Variants in HS6ST3 observed in about 807,000 individuals in gnomAD.
HS6ST3 encodes heparan-sulfate 6-O-sulfotransferase 3.
HS6ST3 carries 12 observed loss-of-function variants against 36.7 expected under a neutral mutation model. That is an observed-to-expected ratio of 0.33 (90% CI 0.21 to 0.53). The LOEUF (loss-of-function observed/expected upper bound fraction) is 0.53, where lower values mean the gene tolerates loss of function less well. Among genes scored for constraint, HS6ST3 ranks in the 20% least tolerant of loss-of-function variants. The pLI, the probability that HS6ST3 is intolerant of heterozygous loss-of-function variation, is 0.95. For synonymous variants in HS6ST3, 240 were observed against 257.5 expected (o/e 0.93, Z 0.65); for missense variants, 584 against 640.9 (o/e 0.91, Z 0.96).
At chr13:96,681,531 G>T (rs1404710051) in intron 1 of HS6ST3, among the ~76,000 whole-genome samples, 1 of 152,108 alleles carries the variant, frequency 6.6e-6, no homozygotes. Context: ...AGATTGACAA[G>T]GATGGGCATG....
chr13:96,775,548 T>C (rs1423545211), intron 1 of HS6ST3, among the ~76,000 whole-genome samples: 1 of 148,002 alleles, frequency 6.8e-6, no homozygotes. Context: ...GCAATCCTAG[T>C]CTCTGATAAA....
At chr13:96,334,760 G>T (rs772801570) in intron 1 of HS6ST3, among the ~76,000 whole-genome samples, 2 of 152,014 alleles carry the variant, frequency 1.3e-5, no homozygotes, top group African/African-American at 2.4e-5. Flanking sequence ...ATCTCCCACC[G>T]GGTCCCTCCC....
intron 1 of HS6ST3, among the ~76,000 whole-genome samples, chr13:96,522,186 CT>C (rs2056096228): frequency 6.6e-6 from 1 of 152,202 alleles, no homozygotes; most frequent in African/African-American, 2.4e-5. Context: ...ATCCTGAGTT[CT>C]AATTTGATTC....
Position 96,259,174 on chromosome 13 carries a change from G to A in HS6ST3, c.707+167605G>A, listed in dbSNP as rs1051467887. Among the ~76,000 whole-genome samples the A allele has an allele frequency of 7.2e-5, 11 of 152,212 alleles. 1 individual carries two copies. Among genetic ancestry groups the A allele is most frequent in the South Asian group, 4.1e-4 (2 of 4,826 alleles). On this transcript the variant is annotated intron_variant, in intron 1 of 1. Transcript: ENST00000376705. ...TGTGTGTCTGTGTGTTTGTGTGTCC[G>A]TGTATGTGTGCATGGGTGTCCTTGC...
At chr13:96,718,316 C>A (rs1423622911) in intron 1 of HS6ST3, among the ~76,000 whole-genome samples, 1 of 152,170 alleles carries the variant, frequency 6.6e-6, no homozygotes, top group Non-Finnish European at 1.5e-5. Context: ...CAGGTTAAAT[C>A]ATTTTTGTGC....
At chr13:96,308,995 A>G (rs1401593092) in intron 1 of HS6ST3, among the ~76,000 whole-genome samples, 2 of 152,166 alleles carry the variant, frequency 1.3e-5, no homozygotes, top group Non-Finnish European at 1.5e-5. Context: ...TATTTGTACA[A>G]AATATTTACA....
intron 1 of HS6ST3, among the ~76,000 whole-genome samples, chr13:96,525,812 C>T (rs559995767): frequency 7.9e-5 from 12 of 152,318 alleles, no homozygotes; most frequent in African/African-American, 2.4e-4. Context: ...TTACTGTGTA[C>T]GCTATGATGT....
At chr13:96,378,687 C>T (rs1277550595) in intron 1 of HS6ST3, among the ~76,000 whole-genome samples, 2 of 152,070 alleles carry the variant, frequency 1.3e-5, no homozygotes, top group African/African-American at 4.8e-5. Context: ...GTTTTTGTTC[C>T]CTAGTAGTAG....
At chr13:96,221,226 A>C (rs1193181265) in intron 1 of HS6ST3, among the ~76,000 whole-genome samples, 1 of 152,212 alleles carries the variant, frequency 6.6e-6, no homozygotes, top group African/African-American at 2.4e-5. Flanking sequence ...TTAGGGTCAG[A>C]GAGAGTTTTT....
At chr13:96,565,404 G>T (rs527443955) in intron 1 of HS6ST3, among the ~76,000 whole-genome samples, 76 of 152,124 alleles carry the variant, frequency 5.0e-4, no homozygotes, top group African/African-American at 1.8e-3. Context: ...TAAAGAACAG[G>T]ACAGGTATCC....
intron 1 of HS6ST3, among the ~76,000 whole-genome samples, chr13:96,141,321 A>G (rs1438769306): frequency 6.6e-6 from 1 of 152,118 alleles, no homozygotes; most frequent in Non-Finnish European, 1.5e-5. Context: ...TCCTAAAGTC[A>G]GAAAGTATCT....
intron 1 of HS6ST3, among the ~76,000 whole-genome samples, chr13:96,753,073 G>A (rs961752946): frequency 3.9e-5 from 6 of 152,114 alleles, no homozygotes; most frequent in Non-Finnish European, 8.8e-5. Flanking sequence ...TAAACCAACT[G>A]TCTGGCCTCT....
chr13:96,107,850 G>A (rs1478877329), intron 1 of HS6ST3, among the ~76,000 whole-genome samples: 1 of 152,146 alleles, frequency 6.6e-6, no homozygotes, highest in African/African-American at 2.4e-5. Flanking sequence ...TCCTATGCCT[G>A]TCTTTAATTT....
At chr13:96,648,291 A>G (rs1284135800) in intron 1 of HS6ST3, among the ~76,000 whole-genome samples, 2 of 152,008 alleles carry the variant, frequency 1.3e-5, no homozygotes, top group African/African-American at 4.8e-5. Flanking sequence ...CTAACCAACC[A>G]TCTCTCACCA....
At chr13:96,731,919 G>T (rs536220833) in intron 1 of HS6ST3, among the ~76,000 whole-genome samples, 68 of 152,062 alleles carry the variant, frequency 4.5e-4, no homozygotes, top group Non-Finnish European at 8.1e-4. Context: ...ATCTCCCAAA[G>T]TGCTGGGATT....
intron 1 of HS6ST3, among the ~76,000 whole-genome samples, chr13:96,472,256 A>G (rs2055843346): frequency 6.6e-6 from 1 of 152,220 alleles, no homozygotes; most frequent in African/African-American, 2.4e-5. Flanking sequence ...TTAGTTTTCA[A>G]AGTGAAGTTC....
intron 1 of HS6ST3, among the ~76,000 whole-genome samples, chr13:96,653,352 C>T (rs1231995129): frequency 6.6e-6 from 1 of 152,066 alleles, no homozygotes; most frequent in Non-Finnish European, 1.5e-5. Flanking sequence ...AATGCTATTC[C>T]TCCCCTAGCC....
At chr13:96,369,070 G>A (rs2055276888) in intron 1 of HS6ST3, among the ~76,000 whole-genome samples, 1 of 150,804 alleles carries the variant, frequency 6.6e-6, no homozygotes, top group South Asian at 2.1e-4. Flanking sequence ...CACTGGTGTT[G>A]TGGGGGTGGG....
chr13:96,688,760 AG>A (rs1874856611), intron 1 of HS6ST3, among the ~76,000 whole-genome samples: 1 of 152,042 alleles, frequency 6.6e-6, no homozygotes, highest in South Asian at 2.1e-4. Flanking sequence ...CATCATGCAA[AG>A]GACCCCACTT....
Sources: allele counts gnomAD v4.1 joint callset (sites outside exome capture counted in the v4.1 genomes callset), GRCh38; gene constraint gnomAD v4.1.1; transcripts MANE v1.5; gene names NCBI Gene and HGNC (gene_info 2026-07-23, HGNC 2026-07-21).